Variants in SIK3 observed in about 807,000 individuals in gnomAD.
The protein encoded by SIK3 is serine/threonine-protein kinase SIK3.
In SIK3, 28 loss-of-function variants were observed where a neutral mutation model predicts 144.2. The ratio of observed to expected loss-of-function variants is 0.19; its 90% CI spans 0.14 to 0.27. The LOEUF (loss-of-function observed/expected upper bound fraction) is 0.27, where lower values mean the gene tolerates loss of function less well. Among genes scored for constraint, SIK3 ranks in the 10% least tolerant of loss-of-function variants. The probability of loss-of-function intolerance (pLI) is 1.00; values close to 1 mark genes in which losing one functional copy is unlikely to be tolerated. For synonymous variants in SIK3, 686 were observed against 676.3 expected (o/e 1.01, Z -0.22); for missense variants, 1,319 against 1,776.0 (o/e 0.74, Z 4.62).
intron 1 of SIK3, among the ~76,000 whole-genome samples, chr11:117,094,002 C>A (rs1297841795): frequency 1.3e-5 from 2 of 152,126 alleles, no homozygotes; most frequent in African/African-American, 4.8e-5. Flanking sequence ...TATTAGGGCA[C>A]CATGCTGCTC....
intron 1 of SIK3, among the ~76,000 whole-genome samples, chr11:116,977,246 CCCTT>C (rs1365560936): frequency 2.1e-5 from 1 of 48,188 alleles, no homozygotes; most frequent in Non-Finnish European, 4.4e-5. Context: ...CTCCCTCCCT[CCCTT>C]CCTTCCTTTT....
intron 6 of SIK3, among the ~76,000 whole-genome samples, chr11:116,880,771 A>G (rs1174183079): frequency 6.6e-6 from 1 of 152,172 alleles, no homozygotes; most frequent in African/African-American, 2.4e-5. Flanking sequence ...TGGAGCCCTC[A>G]CATTAAACAA....
At chr11:116,886,322 T>C (rs1222193235) in intron 6 of SIK3, among the ~76,000 whole-genome samples, 3 of 152,230 alleles carry the variant, frequency 2.0e-5, no homozygotes, top group African/African-American at 7.2e-5. Context: ...CCCCTCGGTA[T>C]ATGGAGACTT....
Position 117,027,868 on chromosome 11 carries a change from A to T in SIK3, c.273+70275T>A, listed in dbSNP as rs185093714. 1.6e-3 allele frequency among the ~76,000 whole-genome samples: 251 copies of T among 152,322 alleles called. 2 individuals carry two copies. Among genetic ancestry groups the T allele is most frequent in the African/African-American group, 5.6e-3 (233 of 41,574 alleles). On this transcript the variant is annotated intron_variant, in intron 1 of 24. Transcript: ENST00000445177. The stretch of plus-strand genomic sequence containing the variant: ...AATAAAGCAATGGGTCAACAATGGC[A>T]ACCAAATTATAGCAAAACCAAGTAA...
intron 6 of SIK3, among the ~76,000 whole-genome samples, chr11:116,883,231 C>G (rs926039986): frequency 2.0e-5 from 3 of 152,206 alleles, no homozygotes; most frequent in Admixed American, 1.3e-4. Context: ...AAATGTTTGT[C>G]TCAGAGCACC....
At chr11:117,058,592 T>C (rs1025269931) in intron 1 of SIK3, among the ~76,000 whole-genome samples, 2 of 152,202 alleles carry the variant, frequency 1.3e-5, no homozygotes, top group Non-Finnish European at 2.9e-5. Flanking sequence ...AATAGATTTG[T>C]TGTTTTCTCT....
chr11:117,050,863 T>TTCTA (rs1223232228), intron 1 of SIK3, among the ~76,000 whole-genome samples: 1 of 152,088 alleles, frequency 6.6e-6, no homozygotes, highest in Non-Finnish European at 1.5e-5. Flanking sequence ...ACACAGCTCA[T>TTCTA]TCTAGGATAT....
chr11:116,932,772 C>T (rs901484416), intron 3 of SIK3, among the ~76,000 whole-genome samples: 5 of 152,032 alleles, frequency 3.3e-5, no homozygotes, highest in Admixed American at 2.6e-4. Flanking sequence ...ATACAGTCGG[C>T]GACCTTTTGA....
At chr11:117,069,821 G>A (rs536173105) in intron 1 of SIK3, among the ~76,000 whole-genome samples, 40 of 151,986 alleles carry the variant, frequency 2.6e-4, no homozygotes, top group South Asian at 1.9e-3. Context: ...CATTTAAGTC[G>A]CCACATTCAT....
chr11:116,873,701 G>T, intron 12 of SIK3, 65 bp from the exon 13 acceptor site: 1 of 1,509,416 alleles, frequency 6.6e-7, no homozygotes, highest in Non-Finnish European at 8.9e-7. Flanking sequence ...AAAGGGGCAA[G>T]CCACTCATCT....
At chr11:116,915,475 T>C (rs1946583033) in intron 4 of SIK3, among the ~76,000 whole-genome samples, 1 of 152,198 alleles carries the variant, frequency 6.6e-6, no homozygotes, top group Non-Finnish European at 1.5e-5. Flanking sequence ...TAACAAATAT[T>C]GGGTCATTAC....
intron 4 of SIK3, among the ~76,000 whole-genome samples, chr11:116,913,608 A>C (rs1946455159): frequency 6.6e-6 from 1 of 152,240 alleles, no homozygotes; most frequent in African/African-American, 2.4e-5. Context: ...ACATGCAAAC[A>C]GTACTCATCG....
chr11:116,947,209 T>TATATATA (rs1335909517), intron 3 of SIK3, among the ~76,000 whole-genome samples: 2 of 136,164 alleles, frequency 1.5e-5, no homozygotes, highest in African/African-American at 5.5e-5. Context: ...AATTATTATT[T>TATATATA]ATATACAATA....
intron 4 of SIK3, among the ~76,000 whole-genome samples, chr11:116,926,556 T>C (rs1263268017): frequency 2.0e-5 from 3 of 152,242 alleles, no homozygotes; most frequent in Non-Finnish European, 4.4e-5. Flanking sequence ...GTGACATAAA[T>C]CAACCTTCTC....
chr11:116,935,229 C>A (rs913262599), intron 3 of SIK3, among the ~76,000 whole-genome samples: 1 of 152,050 alleles, frequency 6.6e-6, no homozygotes, highest in African/African-American at 2.4e-5. Flanking sequence ...GCCTGGGCAA[C>A]AGGGCAAGAC....
At chr11:116,854,194 T>C (rs960102557) in intron 21 of SIK3, among the ~76,000 whole-genome samples, 1 of 151,996 alleles carries the variant, frequency 6.6e-6, no homozygotes, top group Non-Finnish European at 1.5e-5. Flanking sequence ...ACCCCATCTA[T>C]ACCAAAGGAA....
At chr11:116,880,909 A>G (rs1283140826) in intron 6 of SIK3, among the ~76,000 whole-genome samples, 1 of 152,124 alleles carries the variant, frequency 6.6e-6, no homozygotes, top group East Asian at 1.9e-4. Flanking sequence ...AGATTGCTTG[A>G]GGCTAGGAGT....
intron 1 of SIK3, among the ~76,000 whole-genome samples, chr11:117,067,237 A>G (rs1954064281): frequency 6.6e-6 from 1 of 152,232 alleles, no homozygotes; most frequent in Non-Finnish European, 1.5e-5. Flanking sequence ...GAAGTTCATA[A>G]CAGCCTTATT....
At chr11:116,904,197 T>C (rs1347106305) in intron 4 of SIK3, among the ~76,000 whole-genome samples, 4 of 152,092 alleles carry the variant, frequency 2.6e-5, no homozygotes, top group Non-Finnish European at 5.9e-5. Flanking sequence ...CAGAACTTGG[T>C]TGAATGGCCA....
Sources: allele counts gnomAD v4.1 joint callset (sites outside exome capture counted in the v4.1 genomes callset), GRCh38; gene constraint gnomAD v4.1.1; transcripts MANE v1.5; gene names NCBI Gene and HGNC (gene_info 2026-07-23, HGNC 2026-07-21).